Variants in SV2B observed in about 807,000 individuals in gnomAD.
SV2B encodes the protein solute carrier family 22 member B2.
A neutral mutation model predicts 73.9 loss-of-function variants in SV2B; 41 were observed. The ratio of observed to expected loss-of-function variants is 0.56; its 90% CI spans 0.43 to 0.72. The LOEUF is 0.72. SV2B is among the 30% of genes least tolerant of loss of function. SV2B has a pLI of 0.00. For synonymous variants in SV2B, 314 were observed against 314.2 expected, an observed-to-expected ratio of 1.00 and a Z score of 0.01; for missense variants, 764 against 857.8, an observed-to-expected ratio of 0.89 and a Z score of 1.37.
rs149762664 is a variant in SV2B at position 91,105,356 on chromosome 15, G to C, written c.-392+4993G>C. On this transcript the variant is annotated intron_variant, in intron 1 of 12. Transcript: ENST00000394232. This position sits in a 1 kb window ranked among gnomAD's most constrained non-coding sequence, Gnocchi z 5.5. ...TGACATGAAGGAAGTGAAGGAGTGAGCCAGACAGTTATCTGGGGAAAGACA... is the reference window on the plus strand; with the variant it reads ...TGACATGAAGGAAGTGAAGGAGTGACCCAGACAGTTATCTGGGGAAAGACA... Among the ~76,000 whole-genome samples, 1 of 152,200 alleles carries C rather than the reference G, an allele frequency of 6.6e-6. No individual in the cohort carries two copies. The highest frequency in any genetic ancestry group is 1.9e-4 in the East Asian group (1 of 5,162).
At chr15:91,263,389 GACAC>G (rs1275931206) in intron 6 of SV2B, among the ~76,000 whole-genome samples, 1 of 149,986 alleles carries the variant, frequency 6.7e-6, no homozygotes, top group African/African-American at 2.5e-5. Context: ...CAGATGCAGA[GACAC>G]ACAGACACAG....
rs1647026179 is a variant in SV2B, at chr15:91,224,417, G to A, written c.-391-1456G>A. Among the ~76,000 whole-genome samples the A allele has an allele frequency of 6.6e-6, 1 of 152,164 alleles. No individual in the cohort carries two copies. Among genetic ancestry groups the A allele is most frequent in the Admixed American group, 6.5e-5 (1 of 15,280 alleles). On this transcript the variant is annotated intron_variant, in intron 1 of 12. Coordinates refer to ENST00000394232, the MANE Select transcript of SV2B (RefSeq NM_001323032.3). This position sits in a 1 kb window ranked among gnomAD's most constrained non-coding sequence, Gnocchi z 4.9. ...CACTGGGGTGGGGTAGGGGGTGTAG[G>A]AGGGGCTGACGCCTAGCCCTGAGGG... is the stretch of plus-strand genomic sequence containing the variant.
At chr15:91,248,790 T>A (rs1382632628) in intron 2 of SV2B, among the ~76,000 whole-genome samples, 2 of 152,146 alleles carry the variant, frequency 1.3e-5, no homozygotes, top group Non-Finnish European at 2.9e-5. Context: ...TTTAACAAGA[T>A]CCCCAGGTGA....
chr15:91,143,232 G>A (rs573543765), intron 1 of SV2B, among the ~76,000 whole-genome samples: 13 of 152,178 alleles, frequency 8.5e-5, no homozygotes, highest in East Asian at 5.8e-4. Flanking sequence ...CATAAGAACC[G>A]CTTGGGGGAA....
In SV2B at chr15:91,226,274, A is replaced by G. The variant is rs1460732831; in HGVS notation, c.11A>G (p.Tyr4Cys). 2 of 1,614,042 alleles carry G rather than the reference A, an allele frequency of 1.2e-6. No homozygotes were observed. Among genetic ancestry groups the G allele is most frequent in the Admixed American group, 1.7e-5 (1 of 60,006 alleles). ...TCGCAGAACCAAGGAATGGATGACT[A>G]CAAGTATCAGGACAATTATGGGGGC... MDD[Y>C]KYQDNYGGYA... Residue 4 changes from tyrosine to cysteine, a missense_variant, in exon 2 of 13, where the codon TAC becomes TGC. By Grantham distance (194) the Tyr-to-Cys change is radical. Transcript: ENST00000394232.
chr15:91,253,316 C>A lies in SV2B; in HGVS notation c.784+796C>A, dbSNP rs1225991292. Among the ~76,000 whole-genome samples the A allele has an allele frequency of 6.6e-6, 1 of 152,188 alleles. No individual in the cohort carries two copies. Among genetic ancestry groups the A allele is most frequent in the South Asian group, 2.1e-4 (1 of 4,816 alleles). ...CAGCAGTGGTTTAGAATCCTCAGAC[C>A]CCGAGGGGGTAGCAGACAGCTGCCC... On this transcript the variant is annotated intron_variant, in intron 4 of 12. Coordinates refer to ENST00000394232, the MANE Select transcript of SV2B (RefSeq NM_001323032.3). The surrounding 1 kb of genome is among the most constrained non-coding windows in gnomAD (Gnocchi z 5.0).
chr15:91,213,274 C>A (rs1003217502), intron 1 of SV2B, among the ~76,000 whole-genome samples: 1 of 152,172 alleles, frequency 6.6e-6, no homozygotes, highest in Admixed American at 6.5e-5. Context: ...GCACATTTAA[C>A]TTTTCCTCAA....
At chr15:91,146,331 G>T (rs1285503366) in intron 1 of SV2B, among the ~76,000 whole-genome samples, 1 of 152,100 alleles carries the variant, frequency 6.6e-6, no homozygotes, top group Non-Finnish European at 1.5e-5. Context: ...CCAGTACCAT[G>T]CTGTTTTGGT....
chr15:91,236,600 G>A lies in SV2B; in HGVS notation c.451+9886G>A, dbSNP rs1446956900. On this transcript the variant is annotated intron_variant, in intron 2 of 12. Coordinates refer to ENST00000394232, the MANE Select transcript of SV2B (RefSeq NM_001323032.3). This position sits in a 1 kb window ranked among gnomAD's most constrained non-coding sequence, Gnocchi z 4.1. ...GGTGGCCCAATGAAGAGGGTTTAGAGATGGATCTTTTATAGAATCATAAAG... is the reference window on the plus strand; with the variant it reads ...GGTGGCCCAATGAAGAGGGTTTAGAAATGGATCTTTTATAGAATCATAAAG... Among the ~76,000 whole-genome samples, 1 of 152,190 alleles carries A rather than the reference G, an allele frequency of 6.6e-6. No homozygotes were observed. Among genetic ancestry groups the A allele is most frequent in the Admixed American group, 6.5e-5 (1 of 15,276 alleles).
chr15:91,133,161 G>A (rs572887417), intron 1 of SV2B, among the ~76,000 whole-genome samples: 8 of 152,186 alleles, frequency 5.3e-5, no homozygotes, highest in East Asian at 1.9e-4. Context: ...AACTGACACC[G>A]GTGCATTTGT....
chr15:91,285,482 G>A (rs1433956751), intron 11 of SV2B, among the ~76,000 whole-genome samples: 2 of 152,206 alleles, frequency 1.3e-5, no homozygotes, highest in African/African-American at 4.8e-5. Context: ...TCTTTCCTAG[G>A]TTAGCCCCAA....
chr15:91,144,261 T>C (rs1284699027), intron 1 of SV2B, among the ~76,000 whole-genome samples: 2 of 152,090 alleles, frequency 1.3e-5, no homozygotes, highest in African/African-American at 4.8e-5. Context: ...ACTGGAGTGG[T>C]TTGAGGAATG....
chr15:91,139,343 A>G lies in SV2B; in HGVS notation c.-392+38980A>G, dbSNP rs921548236. Among the ~76,000 whole-genome samples, 4 of 147,432 alleles carry G rather than the reference A, an allele frequency of 2.7e-5. No homozygotes were observed. The highest frequency in any genetic ancestry group is 1.0e-4 in the African/African-American group (4 of 39,812). On this transcript the variant is annotated intron_variant, in intron 1 of 12. Transcript: ENST00000394232. This position sits in a 1 kb window ranked among gnomAD's most constrained non-coding sequence, Gnocchi z 5.2. ...TGTGCTTGCAAATTTCCACAATAAA[A>G]TGTTAAAAAAAAAGAAGTAAGGGAA...
intron 1 of SV2B, among the ~76,000 whole-genome samples, chr15:91,158,376 C>A (rs1280254290): frequency 2.0e-5 from 3 of 151,960 alleles, no homozygotes; most frequent in Admixed American, 2.0e-4. Flanking sequence ...TGATGGGGGA[C>A]CCTTGAATGA....
At chr15:91,260,712 G>T (rs942865744) in intron 6 of SV2B, among the ~76,000 whole-genome samples, 1 of 152,100 alleles carries the variant, frequency 6.6e-6, no homozygotes, top group Non-Finnish European at 1.5e-5. Context: ...ACCCGAGACT[G>T]GGAAGAAAAA....
In SV2B at chr15:91,252,025, G is replaced by C. The variant is rs746131718; in HGVS notation, c.632+26G>C. 1 of 1,608,392 alleles carries C rather than the reference G, an allele frequency of 6.2e-7. No homozygotes were observed. Among genetic ancestry groups the C allele is most frequent in the East Asian group, 2.2e-5 (1 of 44,802 alleles). ...GTATGTTCTTAGGGAGGTGGAGCTG[G>C]ACCATCCCAGACCAATGGCCCATCC... is the stretch of plus-strand genomic sequence containing the variant. On this transcript the variant is annotated intron_variant, in intron 3 of 12. Transcript: ENST00000394232. This position sits in a 1 kb window ranked among gnomAD's most constrained non-coding sequence, Gnocchi z 4.6.
rs554409309 is a variant in SV2B at position 91,196,568 on chromosome 15, T to A, written c.-391-29305T>A. Among the ~76,000 whole-genome samples, 6 of 152,176 alleles carry A rather than the reference T, an allele frequency of 3.9e-5. No individual in the cohort carries two copies. The East Asian group carries it at 9.7e-4, about 25-fold the overall frequency. On this transcript the variant is annotated intron_variant, in intron 1 of 12. Transcript: ENST00000394232. ...TATAAGATGGAAAGAGTGGCTGAGCTGGTTGGAAGGGCCCTTGACGCCATG... is the reference window on the plus strand; with the variant it reads ...TATAAGATGGAAAGAGTGGCTGAGCAGGTTGGAAGGGCCCTTGACGCCATG...
chr15:91,231,800 C>T lies in SV2B; in HGVS notation c.451+5086C>T, dbSNP rs373853884. Among the ~76,000 whole-genome samples the T allele has an allele frequency of 2.6e-5, 4 of 152,056 alleles. No homozygotes were observed. Among genetic ancestry groups the T allele is most frequent in the East Asian group, 3.9e-4 (2 of 5,194 alleles). ...ATTTTATTGGCTGTTAGTTTCTTGC[C>T]GTCTGCAGTGAAAAGACTCTGGGAG... is the stretch of plus-strand genomic sequence containing the variant. On this transcript the variant is annotated intron_variant, in intron 2 of 12. Transcript: ENST00000394232. The surrounding 1 kb of genome is among the most constrained non-coding windows in gnomAD (Gnocchi z 4.5).
chr15:91,222,850 C>T (rs548002311), intron 1 of SV2B, among the ~76,000 whole-genome samples: 2 of 152,318 alleles, frequency 1.3e-5, no homozygotes, highest in South Asian at 2.1e-4. Flanking sequence ...ATAAAATGCT[C>T]ACCTTAGTAC....
Sources: allele counts gnomAD v4.1 joint callset (sites outside exome capture counted in the v4.1 genomes callset), GRCh38; gene constraint gnomAD v4.1.1; non-coding constraint Gnocchi (gnomAD v3.1); transcripts MANE v1.5; gene names NCBI Gene and HGNC (gene_info 2026-07-23, HGNC 2026-07-21).